TAF11L12: variants seen among roughly 807,000 people sequenced by gnomAD.
TAF11L12 encodes TATA-box-binding protein-associated factor 11-like protein 12.
exon 1 of TAF11L12, chr5:17,611,484 A>G (rs530394343): frequency 2.3e-5 from 9 of 397,836 alleles, no homozygotes; most frequent in South Asian, 2.6e-4. Context: ...TGTGGGGAGA[A>G]ACGCCCCCGC....
Position 17,610,616 on chromosome 5 carries a change from G to A in TAF11L12, c.-374G>A, listed in dbSNP as rs1054602353. 5.1e-6 allele frequency: 1 copy of A among 197,270 alleles called. No homozygotes were observed. Among genetic ancestry groups the A allele is most frequent in the Non-Finnish European group, 1.0e-5 (1 of 98,606 alleles). The allele number at this position is 197,270 out of a possible 1,614,324, so 12.2% of individuals were successfully genotyped here. On this transcript the variant is annotated 5_prime_UTR_variant, in exon 1 of 1. Transcript: ENST00000503184. The stretch of plus-strand genomic sequence containing the variant: ...CGTGAAGGTAATGACCACACAGCCA[G>A]ACCCATCCTGGAGGTCCGTCATGTG...
At position 17,610,967 on chromosome 5, in the gene TAF11L12, C is replaced by T. The variant is rs551957919; in HGVS notation, c.-23C>T. 19 of 397,828 alleles carry T rather than the reference C, an allele frequency of 4.8e-5. 1 individual carries two copies. The South Asian group carries it at 1.0e-3, about 21-fold the overall frequency. The allele number at this position is 397,828 out of a possible 1,614,324, so 24.6% of individuals were successfully genotyped here. A position where few individuals can be genotyped will look rare whatever the true frequency, so the allele number is the denominator to read the frequency against. On this transcript the variant is annotated 5_prime_UTR_variant, in exon 1 of 1. In the 5' UTR this introduces an upstream ATG that the reference lacks. Coordinates refer to ENST00000503184, the Ensembl canonical transcript of TAF11L12. Reference sequence around the variant, plus strand: ...ACTTCTGCCTGTACAGCTGCTGTCACGGAGCAGACTTGAATCTCACCCATG... The same window carrying T: ...ACTTCTGCCTGTACAGCTGCTGTCATGGAGCAGACTTGAATCTCACCCATG...
At chr5:17,611,204 A>G (rs571855209) in exon 1 of TAF11L12, 4 of 398,334 alleles carry the variant, frequency 1.0e-5, no homozygotes, top group Admixed American at 8.8e-5. Flanking sequence ...GCCAAAAGAC[A>G]GAAAACAGAT....
chr5:17,611,321 G>A, exon 1 of TAF11L12: 2 of 398,084 alleles, frequency 5.0e-6, no homozygotes, highest in East Asian at 7.1e-5. Context: ...TACGAAGTGT[G>A]TCGCCGGTCA....
At chr5:17,611,991 C>T (rs1163913985), downstream of TAF11L12, among the ~76,000 whole-genome samples, 1 of 151,378 alleles carries the variant, frequency 6.6e-6, no homozygotes, top group African/African-American at 2.4e-5. Flanking sequence ...GCGAAGCCTC[C>T]AGAAATGTTT....
chr5:17,611,710 G>A (rs1739279562), downstream of TAF11L12: 3 of 394,714 alleles, frequency 7.6e-6, no homozygotes, highest in African/African-American at 4.1e-5. Context: ...CAATCTTAGT[G>A]TCTGAAACTG....
exon 1 of TAF11L12, chr5:17,611,467 T>A: frequency 2.5e-6 from 1 of 397,866 alleles, no homozygotes; most frequent in Non-Finnish European, 4.4e-6. Flanking sequence ...CCTGGACGTG[T>A]GCGAGATGTG....
At chr5:17,610,633 C>T (rs1200880378) in exon 1 of TAF11L12, 7 of 208,842 alleles carry the variant, frequency 3.4e-5, no homozygotes, top group African/African-American at 9.2e-5. Context: ...CCTGGAGGTC[C>T]GTCATGTGAC....
upstream of TAF11L12, chr5:17,610,407 A>G: frequency 6.6e-6 from 1 of 151,808 alleles, no homozygotes; most frequent in Non-Finnish European, 1.5e-5. Flanking sequence ...CCCCCATGGG[A>G]GATTCCCCAG....
exon 1 of TAF11L12, chr5:17,610,759 C>T (rs1739259903): frequency 1.9e-5 from 7 of 370,228 alleles, no homozygotes; most frequent in Non-Finnish European, 9.6e-6. Context: ...AACTAATATA[C>T]TCTCCATCCA....
rs1445804678 is a variant in TAF11L12, at chr5:17,611,512, A to C, written c.523A>C (p.Arg175=). 5.8e-5 allele frequency: 23 copies of C among 397,892 alleles called. 1 individual carries two copies. Among genetic ancestry groups the C allele is most frequent in the East Asian group, 1.8e-4 (5 of 28,048 alleles). 24.6% of individuals were successfully genotyped at this position (397,892 alleles called of 1,614,324 possible). ...GCCCCCGCTGCAGCCCAAGCATTTA[A>C]GGGAGGCCGTTCGCAGGTTAAAGCC... The change falls in exon 1 of 1, where the codon AGG becomes CGG. Residue 175 remains arginine, a synonymous_variant. Coordinates refer to ENST00000503184, the Ensembl canonical transcript of TAF11L12.
At chr5:17,611,565 T>TA in the TAF11L12 span, 2 of 397,902 alleles carry the variant, frequency 5.0e-6, 1 homozygote, top group Non-Finnish European at 8.9e-6. Context: ...ACAGCAACTA[T>TA]AAAAAAATCA....
At chr5:17,611,551 C>T in exon 1 of TAF11L12, 1 of 397,916 alleles carries the variant, frequency 2.5e-6, no homozygotes, top group Non-Finnish European at 4.4e-6. Context: ...GGGCCTCTTC[C>T]CCAACAGCAA....
chr5:17,611,841 G>C (rs888678692), downstream of TAF11L12, among the ~76,000 whole-genome samples: 1 of 151,098 alleles, frequency 6.6e-6, no homozygotes, highest in Non-Finnish European at 1.5e-5. Context: ...GAAGAATAAA[G>C]GTGCCTGGGC....
downstream of TAF11L12, among the ~76,000 whole-genome samples, chr5:17,611,938 T>G (rs1561010567): frequency 2.6e-5 from 4 of 151,412 alleles, 1 homozygote; most frequent in Non-Finnish European, 4.4e-5. Flanking sequence ...AAGCCTGGTG[T>G]TGCTGTGTCT....
downstream of TAF11L12, chr5:17,611,659 T>G: frequency 2.5e-6 from 1 of 397,168 alleles, no homozygotes; most frequent in Admixed American, 4.4e-5. Flanking sequence ...GGACTGCATT[T>G]GCTGGAGCTT....
exon 1 of TAF11L12, chr5:17,611,471 A>T (rs1739275195): frequency 2.5e-6 from 1 of 397,752 alleles, no homozygotes; most frequent in Non-Finnish European, 4.4e-6. Context: ...GACGTGTGCG[A>T]GATGTGGGGA....
rs193048501 is a variant in TAF11L12, at chr5:17,610,924, C to T, written c.-66C>T. 8 of 397,236 alleles carry T rather than the reference C, an allele frequency of 2.0e-5. 1 individual carries two copies. The highest frequency in any genetic ancestry group is 4.1e-5 in the African/African-American group (2 of 48,268). 24.6% of individuals were successfully genotyped at this position (397,236 alleles called of 1,614,324 possible). A position where few individuals can be genotyped will look rare whatever the true frequency, so the allele number is the denominator to read the frequency against. ...AAGGTTCTCATTGCAGATCCATAAT[C>T]GAACCACCCCAGCCAGAACTTCTGC... On this transcript the variant is annotated 5_prime_UTR_variant, in exon 1 of 1. It introduces an in-frame stop codon into an upstream open reading frame of the 5' UTR. Coordinates refer to ENST00000503184, the Ensembl canonical transcript of TAF11L12.
Position 17,611,053 on chromosome 5 carries a change from G to T in TAF11L12, c.64G>T (p.Gly22Cys), listed in dbSNP as rs540733793. ...GTTCGCCATGCCCCAAGGTCTGAAG[G>T]GCAGCAACAAGGATGGAATCCCTGA... Residue 22 changes from glycine to cysteine, a missense_variant, in exon 1 of 1, where the codon GGC becomes TGC. Coordinates refer to ENST00000503184, the Ensembl canonical transcript of TAF11L12. 1.2e-4 allele frequency: 49 copies of T among 397,906 alleles called. No homozygotes were observed. In the South Asian group the frequency reaches 1.4e-3, roughly 11 times the overall value. The allele number at this position is 397,906 out of a possible 1,614,324, so 24.6% of individuals were successfully genotyped here. A position where few individuals can be genotyped will look rare whatever the true frequency, so the allele number is the denominator to read the frequency against.
Sources: allele counts gnomAD v4.1 joint callset (sites outside exome capture counted in the v4.1 genomes callset), GRCh38; gene constraint gnomAD v4.1.1; transcripts MANE v1.5; gene names NCBI Gene and HGNC (gene_info 2026-07-23, HGNC 2026-07-21).